Variants in GPC6 observed in about 807,000 individuals in gnomAD.
GPC6 encodes the protein glypican-6.
A neutral mutation model predicts 55.2 loss-of-function variants in GPC6; 14 were observed. That is an observed-to-expected ratio of 0.25 (90% CI 0.17 to 0.40). The LOEUF (loss-of-function observed/expected upper bound fraction) is 0.40, where lower values mean the gene tolerates loss of function less well. GPC6 is among the 10% of genes least tolerant of loss of function. The pLI is 1.00. For synonymous variants in GPC6, 278 were observed against 259.6 expected, an observed-to-expected ratio of 1.07 and a Z score of -0.68; for missense variants, 641 against 708.5, an observed-to-expected ratio of 0.90 and a Z score of 1.08.
chr13:93,997,880 G>A (rs566407849), intron 3 of GPC6, among the ~76,000 whole-genome samples: 2 of 152,274 alleles, frequency 1.3e-5, no homozygotes, highest in East Asian at 3.9e-4. Context: ...AAAATCAAGA[G>A]AATCAGCGTT....
chr13:94,292,202 G>T (rs1435541790), intron 5 of GPC6, among the ~76,000 whole-genome samples: 1 of 152,100 alleles, frequency 6.6e-6, no homozygotes, highest in Non-Finnish European at 1.5e-5. Flanking sequence ...AAGGTCTCAC[G>T]GTGCAAAGGG....
intron 3 of GPC6, among the ~76,000 whole-genome samples, chr13:94,005,548 A>G (rs114708417): frequency 1.3e-4 from 20 of 152,326 alleles, no homozygotes; most frequent in African/African-American, 4.6e-4. Flanking sequence ...GTATGAAGAA[A>G]AGACATATCA....
intron 4 of GPC6, among the ~76,000 whole-genome samples, chr13:94,149,531 G>A (rs1887666663): frequency 6.6e-6 from 1 of 152,116 alleles, no homozygotes; most frequent in Non-Finnish European, 1.5e-5. Context: ...CATCCATGCA[G>A]AACAGTTAGA....
intron 2 of GPC6, among the ~76,000 whole-genome samples, chr13:93,576,783 T>A (rs1046199396): frequency 6.6e-6 from 1 of 152,148 alleles, no homozygotes; most frequent in Admixed American, 6.5e-5. Flanking sequence ...TTCATATAAT[T>A]TCCATCAAGA....
intron 2 of GPC6, among the ~76,000 whole-genome samples, chr13:93,729,202 A>G (rs1221683851): frequency 6.6e-6 from 1 of 152,146 alleles, no homozygotes; most frequent in Non-Finnish European, 1.5e-5. Flanking sequence ...CTTAACCTAC[A>G]CCCAGAGGAA....
chr13:94,125,964 T>G (rs927415801), intron 4 of GPC6, among the ~76,000 whole-genome samples: 7 of 152,178 alleles, frequency 4.6e-5, no homozygotes, highest in Non-Finnish European at 1.0e-4. Flanking sequence ...CATGTAAATA[T>G]ATCTCCATGT....
At chr13:94,291,318 G>A (rs1007070544) in intron 5 of GPC6, among the ~76,000 whole-genome samples, 25 of 152,146 alleles carry the variant, frequency 1.6e-4, no homozygotes, top group Non-Finnish European at 2.6e-4. Context: ...TGTCTGGTAC[G>A]GCTGGTACAG....
At chr13:93,488,726 A>G (rs543752759) in intron 1 of GPC6, among the ~76,000 whole-genome samples, 123 of 152,248 alleles carry the variant, frequency 8.1e-4, no homozygotes, top group African/African-American at 2.9e-3. Flanking sequence ...GCCAGTGATG[A>G]TGAGCATTTT....
rs147533444 is a variant in GPC6 at position 93,952,125 on chromosome 13, A to C, written c.712-75604A>C. 3.8e-3 allele frequency among the ~76,000 whole-genome samples: 578 copies of C among 152,260 alleles called. 5 individuals are homozygous for C. The highest frequency in any genetic ancestry group is 0.013 in the African/African-American group (561 of 41,568). On this transcript the variant is annotated intron_variant, in intron 3 of 8. Coordinates refer to ENST00000377047, the MANE Select transcript of GPC6 (RefSeq NM_005708.5). ...TAGGGCAGTGTGTTCTGTGTTCATAATTTAAACTTCTAGGAACACAGGAAA... is the reference window on the plus strand; with the variant it reads ...TAGGGCAGTGTGTTCTGTGTTCATACTTTAAACTTCTAGGAACACAGGAAA...
chr13:93,654,985 C>T (rs921844340), intron 2 of GPC6, among the ~76,000 whole-genome samples: 1 of 149,722 alleles, frequency 6.7e-6, no homozygotes, highest in Non-Finnish European at 1.5e-5. Context: ...TACAGGCGCC[C>T]ACTACCATGC....
intron 4 of GPC6, among the ~76,000 whole-genome samples, chr13:94,239,370 C>T (rs1254343640): frequency 6.6e-6 from 1 of 152,078 alleles, no homozygotes; most frequent in Non-Finnish European, 1.5e-5. Flanking sequence ...CTCTCTACTC[C>T]CACACATGTG....
rs559070156 is a variant in GPC6, at chr13:94,179,905, A to G, written c.878-106444A>G. Among the ~76,000 whole-genome samples, 170 of 152,320 alleles carry G rather than the reference A, an allele frequency of 1.1e-3. 3 individuals carry two copies. In the South Asian group the frequency reaches 0.024, roughly 22 times the overall value. On this transcript the variant is annotated intron_variant, in intron 4 of 8. Coordinates refer to ENST00000377047, the MANE Select transcript of GPC6 (RefSeq NM_005708.5). Reference sequence around the variant, plus strand: ...AAATTATTTCACTCAATAGATATTTACAGGAACCTATCATGTTGCTATTCG... The same window carrying G: ...AAATTATTTCACTCAATAGATATTTGCAGGAACCTATCATGTTGCTATTCG...
intron 1 of GPC6, among the ~76,000 whole-genome samples, chr13:93,497,701 G>A (rs1011334769): frequency 6.6e-6 from 1 of 152,220 alleles, no homozygotes; most frequent in African/African-American, 2.4e-5. Context: ...AGTTAAAATA[G>A]TTGAGAAACA....
chr13:94,404,012 C>A lies in GPC6; in HGVS notation c.*795C>A, dbSNP rs2139235464. 6.6e-6 allele frequency: 1 copy of A among 152,402 alleles called. No individual in the cohort carries two copies. Among genetic ancestry groups the A allele is most frequent in the South Asian group, 2.1e-4 (1 of 4,828 alleles). The allele number at this position is 152,402 out of a possible 1,614,324, so 9.4% of individuals were successfully genotyped here. On this transcript the variant is annotated 3_prime_UTR_variant, in exon 9 of 9. Transcript: ENST00000377047. Reference sequence around the variant, plus strand: ...TCCAATTGGCACAGATTTTCCCCTTCATCTTCAATTACTAGTAGCTACCCC... The same window carrying A: ...TCCAATTGGCACAGATTTTCCCCTTAATCTTCAATTACTAGTAGCTACCCC...
intron 4 of GPC6, among the ~76,000 whole-genome samples, chr13:94,248,870 A>G (rs1012630940): frequency 1.3e-5 from 2 of 152,118 alleles, no homozygotes; most frequent in Non-Finnish European, 2.9e-5. Flanking sequence ...GTTTTATGAT[A>G]CTATTGTAAA....
intron 4 of GPC6, among the ~76,000 whole-genome samples, chr13:94,064,590 A>G (rs1884451393): frequency 6.6e-6 from 1 of 152,126 alleles, no homozygotes; most frequent in African/African-American, 2.4e-5. Flanking sequence ...GGCCACACTC[A>G]TGTTTATTTC....
chr13:94,174,531 G>C (rs1888678740), intron 4 of GPC6, among the ~76,000 whole-genome samples: 1 of 152,058 alleles, frequency 6.6e-6, no homozygotes, highest in Non-Finnish European at 1.5e-5. Context: ...ATTGTTATAA[G>C]TAAGAAATGG....
At chr13:93,420,301 G>A (rs1399360078) in intron 1 of GPC6, among the ~76,000 whole-genome samples, 1 of 152,142 alleles carries the variant, frequency 6.6e-6, no homozygotes, top group Non-Finnish European at 1.5e-5. Context: ...TCTGATCCCA[G>A]TTTAATGAAG....
At chr13:93,432,593 T>C (rs939058935) in intron 1 of GPC6, among the ~76,000 whole-genome samples, 6 of 152,144 alleles carry the variant, frequency 3.9e-5, no homozygotes, top group Non-Finnish European at 5.9e-5. Context: ...AACTTGTAGT[T>C]TAAACCACAA....
Sources: gnomAD v4.1 joint callset for allele counts (sites outside exome capture counted in the v4.1 genomes callset) on GRCh38, gnomAD v4.1.1 for gene constraint, MANE v1.5 for transcripts, NCBI Gene and HGNC (gene_info 2026-07-23, HGNC 2026-07-21) for gene names.